ELMOD2: variants seen among roughly 807,000 people sequenced by gnomAD.
ELMOD2 encodes the protein ELMO domain-containing protein 2.
A neutral mutation model predicts 41.0 loss-of-function variants in ELMOD2; 28 were observed. That is an observed-to-expected ratio of 0.68 (90% CI 0.51 to 0.94). ELMOD2 has a LOEUF of 0.94. Ranked by LOEUF, ELMOD2 falls within the 40% of genes least tolerant of loss-of-function variation. The probability of loss-of-function intolerance (pLI) is 0.00; values close to 1 mark genes in which losing one functional copy is unlikely to be tolerated. For synonymous variants in ELMOD2, 106 were observed against 107.2 expected (o/e 0.99, Z 0.07); for missense variants, 333 against 343.1 (o/e 0.97, Z 0.23).
intron 5 of ELMOD2, among the ~76,000 whole-genome samples, chr4:140,538,439 TC>T (rs1175446069): frequency 1.3e-5 from 2 of 152,244 alleles, no homozygotes; most frequent in Admixed American, 1.3e-4. Context: ...GGCTTTTTTT[TC>T]ATTAAAAGTG....
At chr4:140,549,681 CTTTTTTTTTTTTTTTTT>C (rs10538089) in intron 8 of ELMOD2, among the ~76,000 whole-genome samples, 2 of 42,930 alleles carry the variant, frequency 4.7e-5, no homozygotes, top group Admixed American at 4.0e-4. Context: ...AGTACTACAT[CTTTTTTTTTTTTTTTTT>C]TTTTTTTTTT....
chr4:140,549,714 G>A (rs2172790), intron 8 of ELMOD2, among the ~76,000 whole-genome samples: 1 of 75,708 alleles, frequency 1.3e-5, no homozygotes, highest in African/African-American at 5.3e-5. Context: ...TTTTTTTTGA[G>A]ATAGGTTCTC....
In ELMOD2 at chr4:140,553,461, A is replaced by T. The variant is rs1364723256; in HGVS notation, c.*3086A>T. On this transcript the variant is annotated 3_prime_UTR_variant, in exon 9 of 9. Coordinates refer to ENST00000323570, the MANE Select transcript of ELMOD2 (RefSeq NM_153702.4). ...TAATGAAGGTTAGTGGAATTGTTAA[A>T]AATCTGAGAGGAATGATGACTGGAG... The T allele has an allele frequency of 6.6e-6, 1 of 152,154 alleles. No homozygotes were observed. The highest frequency in any genetic ancestry group is 1.5e-5 in the Non-Finnish European group (1 of 68,006). 9.4% of individuals were successfully genotyped at this position (152,154 alleles called of 1,614,324 possible). A position where few individuals can be genotyped will look rare whatever the true frequency, so the allele number is the denominator to read the frequency against.
At chr4:140,539,455 G>A (rs965573293) in intron 5 of ELMOD2, among the ~76,000 whole-genome samples, 4 of 151,410 alleles carry the variant, frequency 2.6e-5, no homozygotes, top group Non-Finnish European at 5.9e-5. Flanking sequence ...TCCGCCTCCC[G>A]GGTTCACGCC....
At chr4:140,527,441 C>CTTTT in intron 2 of ELMOD2, 25 bp from the exon 3 acceptor site, 5 of 1,310,332 alleles carry the variant, frequency 3.8e-6, no homozygotes, top group Admixed American at 2.4e-5. Context: ...GTGATAACAT[C>CTTTT]TTTTTTTTTT....
At chr4:140,527,736 T>G (rs1473248655) in intron 3 of ELMOD2, 3 of 420,034 alleles carry the variant, frequency 7.1e-6, no homozygotes, top group Non-Finnish European at 1.3e-5. Context: ...TATTTTGCTT[T>G]AAGAGTTGAT....
chr4:140,529,333 A>T lies in ELMOD2; in HGVS notation c.171+1839A>T, dbSNP rs150637439. Among the ~76,000 whole-genome samples, 236 of 152,280 alleles carry T rather than the reference A, an allele frequency of 1.5e-3. 2 individuals are homozygous for T. In the Middle Eastern group the frequency reaches 0.017, roughly 11 times the overall value. On this transcript the variant is annotated intron_variant, in intron 3 of 8. Coordinates refer to ENST00000323570, the MANE Select transcript of ELMOD2 (RefSeq NM_153702.4). ...CTGACCTTAAACAAGTTGGTTTGGA[A>T]CTATTTGGGTGCTGAACCCTCTAGA...
At chr4:140,530,753 T>C (rs1050993329) in intron 3 of ELMOD2, among the ~76,000 whole-genome samples, 1 of 152,174 alleles carries the variant, frequency 6.6e-6, no homozygotes, top group East Asian at 1.9e-4. Flanking sequence ...GCCTTATCAA[T>C]TTAAAAATAT....
At chr4:140,542,542 A>G in intron 6 of ELMOD2, 32 bp from the exon 7 acceptor site, 3 of 1,508,808 alleles carry the variant, frequency 2.0e-6, no homozygotes, top group South Asian at 1.2e-5. Flanking sequence ...AATGGCGTAC[A>G]TTTGTTTGAT....
chr4:140,533,284 C>T (rs1734808278), intron 3 of ELMOD2, among the ~76,000 whole-genome samples: 1 of 152,088 alleles, frequency 6.6e-6, no homozygotes, highest in Admixed American at 6.6e-5. Context: ...TCTAAAAGGA[C>T]CCCTACTACC....
chr4:140,535,813 C>G lies in ELMOD2; in HGVS notation c.252C>G (p.Asn84Lys), dbSNP rs150102347. 2 of 1,606,394 alleles carry G rather than the reference C, an allele frequency of 1.2e-6. No homozygotes were observed. Among genetic ancestry groups the G allele is most frequent in the Non-Finnish European group, 1.7e-6 (2 of 1,178,092 alleles). ...VDDIMKEKNI[N>K]PEKDASFKIC... ...ATATTATGAAGGAAAAGAATATTAA[C>G]CCTGAGAAGGATGCCAGGTGTGCGT... The change falls in exon 4 of 9, where the codon AAC becomes AAG. Residue 84 changes from asparagine (N) to lysine (K), a missense_variant. Coordinates refer to ENST00000323570, the MANE Select transcript of ELMOD2 (RefSeq NM_153702.4).
chr4:140,538,130 G>T (rs2035761514), intron 5 of ELMOD2, among the ~76,000 whole-genome samples: 1 of 152,104 alleles, frequency 6.6e-6, no homozygotes, highest in Non-Finnish European at 1.5e-5. Context: ...CAAAATTAAA[G>T]AGTAATAGAC....
intron 3 of ELMOD2, among the ~76,000 whole-genome samples, chr4:140,529,290 CTG>C (rs1162891331): frequency 6.6e-6 from 1 of 152,304 alleles, no homozygotes; most frequent in South Asian, 2.1e-4. Flanking sequence ...CGATAGGAAA[CTG>C]TGTATGTTTT....
intron 3 of ELMOD2, among the ~76,000 whole-genome samples, chr4:140,534,210 T>TAA (rs1288579266): frequency 2.0e-5 from 3 of 152,058 alleles, no homozygotes; most frequent in African/African-American, 7.2e-5. Context: ...ACTCAACAAT[T>TAA]AAAAGGGACA....
rs1418177054 is a variant in ELMOD2 at position 140,550,604 on chromosome 4, T to C, written c.*229T>C. 2 of 314,234 alleles carry C rather than the reference T, an allele frequency of 6.4e-6. No individual in the cohort carries two copies. Among genetic ancestry groups the C allele is most frequent in the Non-Finnish European group, 1.1e-5 (2 of 177,134 alleles). The allele number at this position is 314,234 out of a possible 1,614,324, so 19.5% of individuals were successfully genotyped here. ...TCCAAAGATCCCCTCTGTAGAGTCA[T>C]GCGAACTACAGTTTGGAACTTGGGA... is the stretch of plus-strand genomic sequence containing the variant. On this transcript the variant is annotated 3_prime_UTR_variant, in exon 9 of 9. Transcript: ENST00000323570.
Position 140,524,191 on chromosome 4 carries a change from A to G in ELMOD2, c.-99A>G, listed in dbSNP as rs889715257. 1.3e-5 allele frequency: 2 copies of G among 152,342 alleles called. No individual in the cohort carries two copies. The highest frequency in any genetic ancestry group is 6.5e-5 in the Admixed American group (1 of 15,278). The allele number at this position is 152,342 out of a possible 1,614,324, so 9.4% of individuals were successfully genotyped here. A position where few individuals can be genotyped will look rare whatever the true frequency, so the allele number is the denominator to read the frequency against. ...CTGACTTCCGGGTCGCGGTGCTTGAAGGGAGTGTTCCGTCGTTTCCGTTGC... is the reference window on the plus strand; with the variant it reads ...CTGACTTCCGGGTCGCGGTGCTTGAGGGGAGTGTTCCGTCGTTTCCGTTGC... On this transcript the variant is annotated 5_prime_UTR_variant, in exon 1 of 9. Coordinates refer to ENST00000323570, the MANE Select transcript of ELMOD2 (RefSeq NM_153702.4).
intron 1 of ELMOD2, chr4:140,524,617 G>A (rs2110807255): frequency 3.0e-6 from 3 of 985,454 alleles, no homozygotes; most frequent in South Asian, 9.4e-5. Flanking sequence ...CTGACCTGCG[G>A]GTACTTCGAA....
rs980777289 is a variant in ELMOD2, at chr4:140,550,504, A to G, written c.*129A>G. 2 of 1,007,376 alleles carry G rather than the reference A, an allele frequency of 2.0e-6. No individual in the cohort carries two copies. Among genetic ancestry groups the G allele is most frequent in the Non-Finnish European group, 2.7e-6 (2 of 728,824 alleles). 62.4% of individuals were successfully genotyped at this position (1,007,376 alleles called of 1,614,324 possible). A position where few individuals can be genotyped will look rare whatever the true frequency, so the allele number is the denominator to read the frequency against. On this transcript the variant is annotated 3_prime_UTR_variant, in exon 9 of 9. Transcript: ENST00000323570. ...CCTACAAAAATATTTCAGAAATTCTATTTAAGAAAGCTAGTGGACAATCAG... is the reference window on the plus strand; with the variant it reads ...CCTACAAAAATATTTCAGAAATTCTGTTTAAGAAAGCTAGTGGACAATCAG...
At chr4:140,544,726 T>G (rs1735217263) in intron 8 of ELMOD2, among the ~76,000 whole-genome samples, 1 of 152,160 alleles carries the variant, frequency 6.6e-6, no homozygotes, top group South Asian at 2.1e-4. Flanking sequence ...TATTATGCTC[T>G]CTCTTGACTC....
Sources: gnomAD v4.1 joint callset for allele counts (sites outside exome capture counted in the v4.1 genomes callset) on GRCh38, gnomAD v4.1.1 for gene constraint, MANE v1.5 for transcripts, NCBI Gene and HGNC (gene_info 2026-07-23, HGNC 2026-07-21) for gene names.